LTBP1: variants seen among roughly 807,000 people sequenced by gnomAD.
LTBP1 encodes the protein latent-transforming growth factor beta-binding protein 1.
In LTBP1, 129 loss-of-function variants were observed where a neutral mutation model predicts 207.6. That is an observed-to-expected ratio of 0.62 (90% CI 0.54 to 0.72). The LOEUF (loss-of-function observed/expected upper bound fraction) is 0.72, where lower values mean the gene tolerates loss of function less well. Among genes scored for constraint, LTBP1 ranks in the 30% least tolerant of loss-of-function variants. The pLI, the probability that LTBP1 is intolerant of heterozygous loss-of-function variation, is 0.00. For synonymous variants in LTBP1, 963 were observed against 833.7 expected, an observed-to-expected ratio of 1.16 and a Z score of -2.67; for missense variants, 2,281 against 2,217.2, an observed-to-expected ratio of 1.03 and a Z score of -0.58.
chr2:32,993,004 A>T (rs976702194), intron 2 of LTBP1, among the ~76,000 whole-genome samples: 1 of 152,108 alleles, frequency 6.6e-6, no homozygotes, highest in African/African-American at 2.4e-5. Context: ...AAGGAGGGTT[A>T]GGCAAGAATG....
At chr2:33,398,316 C>T in intron 33 of LTBP1, 48 bp from the exon 34 acceptor site, 1 of 1,568,648 alleles carries the variant, frequency 6.4e-7, no homozygotes, top group Non-Finnish European at 8.7e-7. Flanking sequence ...TGTGTCCTCA[C>T]AGAATAATAT....
chr2:33,025,207 C>G (rs1470931204), intron 3 of LTBP1, among the ~76,000 whole-genome samples: 1 of 152,144 alleles, frequency 6.6e-6, no homozygotes, highest in Non-Finnish European at 1.5e-5. Flanking sequence ...TAGTGAGTTG[C>G]TAAGTCTAGT....
chr2:33,368,667 G>A (rs1197287991), intron 31 of LTBP1, among the ~76,000 whole-genome samples: 3 of 152,182 alleles, frequency 2.0e-5, no homozygotes, highest in East Asian at 1.9e-4. Flanking sequence ...GCCTGAGCTC[G>A]GGAGTTTGAG....
intron 2 of LTBP1, among the ~76,000 whole-genome samples, chr2:32,991,738 A>G (rs10198807): frequency 0.28 from 42,173 of 152,118 alleles, 6,095 homozygotes; most frequent in Admixed American, 0.33. Flanking sequence ...GAAGTCAGTC[A>G]TCTAATCTAG....
intron 2 of LTBP1, among the ~76,000 whole-genome samples, chr2:32,959,597 GTATATATATA>G (rs71407487): frequency 1.9e-4 from 11 of 58,316 alleles, no homozygotes; most frequent in Non-Finnish European, 2.2e-4. Flanking sequence ...ATATGTACGT[GTATATATATA>G]TATATATATA....
chr2:33,026,609 G>A (rs1246186006), intron 3 of LTBP1, among the ~76,000 whole-genome samples: 1 of 152,086 alleles, frequency 6.6e-6, no homozygotes. Context: ...GTAGTTGAAG[G>A]TTTTGATCCT....
At chr2:33,035,215 G>T (rs1294747204) in intron 3 of LTBP1, among the ~76,000 whole-genome samples, 1 of 152,170 alleles carries the variant, frequency 6.6e-6, no homozygotes, top group Non-Finnish European at 1.5e-5. Flanking sequence ...AGCAGTCCTT[G>T]TATGATTTAT....
chr2:33,032,788 T>C (rs1158632594), intron 3 of LTBP1, among the ~76,000 whole-genome samples: 3 of 152,230 alleles, frequency 2.0e-5, no homozygotes, highest in Non-Finnish European at 4.4e-5. Flanking sequence ...AAAGTTTTTG[T>C]GATTTGCTTT....
In LTBP1 at chr2:33,031,195, CT is replaced by C. The variant is rs573687370; in HGVS notation, c.863+9990del. Among the ~76,000 whole-genome samples, 329 of 152,262 alleles carry C rather than the reference CT, an allele frequency of 2.2e-3. 5 individuals are homozygous for C. The highest frequency in any genetic ancestry group is 0.019 in the Admixed American group (295 of 15,288). ...AAGAATACAATCTGTTACTCATTGA[CT>C]GGGTAATTTATTTCAGAATTCTTTG... On this transcript the variant is annotated intron_variant, in intron 3 of 33. Coordinates refer to ENST00000404816, the MANE Select transcript of LTBP1 (RefSeq NM_206943.4).
At chr2:33,032,606 C>G (rs2075741774) in intron 3 of LTBP1, among the ~76,000 whole-genome samples, 1 of 152,022 alleles carries the variant, frequency 6.6e-6, no homozygotes, top group African/African-American at 2.4e-5. Context: ...TTGTTAGGCT[C>G]TAAATGTCTT....
intron 7 of LTBP1, among the ~76,000 whole-genome samples, chr2:33,215,719 T>TTTG (rs2090629974): frequency 6.9e-6 from 1 of 144,126 alleles, no homozygotes; most frequent in South Asian, 2.2e-4. Context: ...TTCTTTTGTT[T>TTTG]TTTGTTTTTT....
At chr2:33,337,596 C>A (rs1573906763) in intron 24 of LTBP1, among the ~76,000 whole-genome samples, 1 of 152,158 alleles carries the variant, frequency 6.6e-6, no homozygotes, top group South Asian at 2.1e-4. Flanking sequence ...TTTTATAATA[C>A]CACACCTGAT....
intron 19 of LTBP1, among the ~76,000 whole-genome samples, chr2:33,281,039 C>A (rs1249131288): frequency 6.6e-6 from 1 of 152,146 alleles, no homozygotes; most frequent in Non-Finnish European, 1.5e-5. Flanking sequence ...CCACTGCTCT[C>A]CAGCCCGAGT....
At chr2:33,115,701 A>G (rs1269693343) in intron 4 of LTBP1, among the ~76,000 whole-genome samples, 2 of 152,178 alleles carry the variant, frequency 1.3e-5, no homozygotes, top group Non-Finnish European at 2.9e-5. Context: ...CATGTAAACC[A>G]AATTCTATTG....
chr2:33,152,151 A>G (rs1341593430), intron 5 of LTBP1, among the ~76,000 whole-genome samples: 1 of 152,068 alleles, frequency 6.6e-6, no homozygotes, highest in Non-Finnish European at 1.5e-5. Context: ...GTGGGAGAAA[A>G]TCTTCACACT....
rs145675511 is a variant in LTBP1 at position 33,354,962 on chromosome 2, G to A, written c.4001-5635G>A. On this transcript the variant is annotated intron_variant, in intron 26 of 33. Coordinates refer to ENST00000404816, the MANE Select transcript of LTBP1 (RefSeq NM_206943.4). ...TCACTATGTTGCCGAGGCTGGTCTC[G>A]TTTTATCTTCTTAATACTACAAGAT... Among the ~76,000 whole-genome samples, 301 of 152,070 alleles carry A rather than the reference G, an allele frequency of 2.0e-3. 1 individual carries two copies. The highest frequency in any genetic ancestry group is 0.017 in the Middle Eastern group (5 of 294).
At chr2:33,015,012 A>T (rs1295619533) in intron 2 of LTBP1, among the ~76,000 whole-genome samples, 1 of 149,236 alleles carries the variant, frequency 6.7e-6, no homozygotes, top group Non-Finnish European at 1.5e-5. Context: ...TTTTTTTAAG[A>T]GATGGGGTCT....
intron 7 of LTBP1, among the ~76,000 whole-genome samples, chr2:33,209,847 A>T (rs1352454514): frequency 6.6e-6 from 1 of 152,196 alleles, no homozygotes; most frequent in Non-Finnish European, 1.5e-5. Flanking sequence ...TGGCTGTCTC[A>T]CATACAGTCC....
chr2:33,152,734 A>G (rs957759152), intron 5 of LTBP1, among the ~76,000 whole-genome samples: 4 of 152,138 alleles, frequency 2.6e-5, no homozygotes, highest in Non-Finnish European at 5.9e-5. Flanking sequence ...AGCCATTTGT[A>G]TATCTTCTTT....
Sources: gnomAD v4.1 joint callset for allele counts (sites outside exome capture counted in the v4.1 genomes callset) on GRCh38, gnomAD v4.1.1 for gene constraint, MANE v1.5 for transcripts, NCBI Gene and HGNC (gene_info 2026-07-23, HGNC 2026-07-21) for gene names.